The following GPM6A variants were observed in gnomAD, a reference collection of about 807,000 sequenced individuals.
GPM6A encodes neuronal membrane glycoprotein M6-a.
A neutral mutation model predicts 32.1 loss-of-function variants in GPM6A; 7 were observed. That is an observed-to-expected ratio of 0.22 (90% CI 0.12 to 0.41). The LOEUF (loss-of-function observed/expected upper bound fraction) is 0.41. Ranked by LOEUF, GPM6A falls within the 10% of genes least tolerant of loss-of-function variation. The pLI is 1.00. For synonymous variants in GPM6A, 130 were observed against 123.4 expected, an observed-to-expected ratio of 1.05 and a Z score of -0.35; for missense variants, 235 against 347.2, an observed-to-expected ratio of 0.68 and a Z score of 2.57.
At chr4:175,914,758 G>A (rs1479528940) in intron 1 of GPM6A, among the ~76,000 whole-genome samples, 1 of 152,158 alleles carries the variant, frequency 6.6e-6, no homozygotes, top group African/African-American at 2.4e-5. Context: ...CACTTGGGGA[G>A]ATCCGTAGCC....
In GPM6A at chr4:175,697,812, T is replaced by C. The variant is rs367926475; in HGVS notation, c.230+3763A>G. Among the ~76,000 whole-genome samples, 26 of 152,280 alleles carry C rather than the reference T, an allele frequency of 1.7e-4. No individual in the cohort carries two copies. In the East Asian group the frequency reaches 3.9e-3, roughly 23 times the overall value. On this transcript the variant is annotated intron_variant, in intron 2 of 6. Transcript: ENST00000393658. ...AAACAGTATAATGGGTGATATCAGC[T>C]AAGAGTTTAGGAGCTCAACTTCAGG...
At chr4:175,684,988 C>T (rs1055935682) in intron 2 of GPM6A, among the ~76,000 whole-genome samples, 12 of 151,890 alleles carry the variant, frequency 7.9e-5, no homozygotes, top group Admixed American at 2.0e-4. Context: ...TCCAGGTTCA[C>T]GCCATTCTCC....
intron 4 of GPM6A, among the ~76,000 whole-genome samples, chr4:175,645,545 ACC>A (rs1482603865): frequency 2.6e-5 from 4 of 151,188 alleles, no homozygotes; most frequent in African/African-American, 9.8e-5. Flanking sequence ...ACATGGTAAA[ACC>A]CCGTCTCTAC....
chr4:175,758,515 C>A (rs187848289), intron 1 of GPM6A, among the ~76,000 whole-genome samples: 1 of 152,214 alleles, frequency 6.6e-6, no homozygotes, highest in East Asian at 1.9e-4. Flanking sequence ...TAATGCACTG[C>A]CTAAATGTGG....
chr4:175,669,118 G>A (rs936107061), intron 3 of GPM6A, among the ~76,000 whole-genome samples: 3 of 152,174 alleles, frequency 2.0e-5, no homozygotes, highest in Non-Finnish European at 2.9e-5. Flanking sequence ...AGCATAGTAG[G>A]TATAGTATGG....
intron 1 of GPM6A, among the ~76,000 whole-genome samples, chr4:175,963,553 T>G (rs1038276746): frequency 2.6e-5 from 4 of 152,032 alleles, no homozygotes; most frequent in Admixed American, 6.6e-5. Context: ...AAAAAATTGT[T>G]TTTCAAAAGT....
intron 1 of GPM6A, among the ~76,000 whole-genome samples, chr4:175,746,271 C>G (rs926347455): frequency 2.0e-5 from 3 of 151,900 alleles, no homozygotes; most frequent in Admixed American, 6.6e-5. Context: ...ATGATCTAAA[C>G]AGGGGCATTG....
intron 1 of GPM6A, among the ~76,000 whole-genome samples, chr4:175,768,872 G>T (rs1339246497): frequency 6.6e-6 from 1 of 152,150 alleles, no homozygotes; most frequent in African/African-American, 2.4e-5. Flanking sequence ...GAGGTGGGTG[G>T]ATCACTTGAG....
At chr4:175,879,819 C>T (rs74588496) in intron 1 of GPM6A, among the ~76,000 whole-genome samples, 5,352 of 152,018 alleles carry the variant, frequency 0.035, 289 homozygotes, top group African/African-American at 0.11. Context: ...GAATGTTATG[C>T]TATTATTGAA....
intron 1 of GPM6A, among the ~76,000 whole-genome samples, chr4:175,730,936 C>T (rs983850022): frequency 3.3e-5 from 5 of 152,126 alleles, no homozygotes; most frequent in Admixed American, 6.5e-5. Flanking sequence ...GGTCTCTTGG[C>T]ATCTCTTCCT....
At chr4:175,865,711 T>G (rs542476296) in intron 1 of GPM6A, among the ~76,000 whole-genome samples, 1 of 143,942 alleles carries the variant, frequency 6.9e-6, no homozygotes, top group Non-Finnish European at 1.6e-5. Flanking sequence ...TTTTTGAGAC[T>G]TTTTTTCTTA....
chr4:175,666,830 C>T (rs1021473816), intron 3 of GPM6A, among the ~76,000 whole-genome samples: 2 of 152,132 alleles, frequency 1.3e-5, no homozygotes, highest in Admixed American at 1.3e-4. Context: ...TGGGAGCCAT[C>T]AAGTCTAAAA....
chr4:175,730,064 C>T (rs139431880), intron 1 of GPM6A, among the ~76,000 whole-genome samples: 99 of 151,492 alleles, frequency 6.5e-4, no homozygotes, highest in African/African-American at 2.4e-3. Context: ...CATTGGCTTC[C>T]AACTATTATT....
At chr4:175,946,128 T>TA (rs921195509) in intron 1 of GPM6A, among the ~76,000 whole-genome samples, 57 of 152,076 alleles carry the variant, frequency 3.7e-4, no homozygotes, top group Non-Finnish European at 8.1e-4. Flanking sequence ...CCTAAATCTA[T>TA]AAAAAATCTA....
chr4:176,000,109 T>C (rs1265808688), intron 1 of GPM6A, among the ~76,000 whole-genome samples: 2 of 152,180 alleles, frequency 1.3e-5, no homozygotes, highest in Admixed American at 1.3e-4. Flanking sequence ...ACAGGCCTGC[T>C]CTTTTCTCTA....
In GPM6A at chr4:175,773,061, C is replaced by T. The variant is rs573656826; in HGVS notation, c.37+39130G>A. Among the ~76,000 whole-genome samples the T allele has an allele frequency of 4.6e-5, 7 of 152,284 alleles. No homozygotes were observed. In the South Asian group the frequency reaches 1.5e-3, roughly 32 times the overall value. On this transcript the variant is annotated intron_variant, in intron 1 of 6. Transcript: ENST00000393658. Reference sequence around the variant, plus strand: ...TTTGTGTAATCTTCATTTTGAAAAACCTCATCCAATGATGTTTTGGTGGTG... The same window carrying T: ...TTTGTGTAATCTTCATTTTGAAAAATCTCATCCAATGATGTTTTGGTGGTG...
intron 4 of GPM6A, among the ~76,000 whole-genome samples, chr4:175,645,252 G>A (rs1741389859): frequency 2.0e-5 from 3 of 152,126 alleles, no homozygotes; most frequent in Non-Finnish European, 4.4e-5. Flanking sequence ...CTAAACACAA[G>A]TAATATATTT....
chr4:175,823,933 G>A (rs1205093358), intron 1 of GPM6A, among the ~76,000 whole-genome samples: 1 of 152,128 alleles, frequency 6.6e-6, no homozygotes. Flanking sequence ...CAAGGTGAAA[G>A]GCCCTTCCTT....
chr4:175,935,050 A>C (rs1214974177), intron 1 of GPM6A, among the ~76,000 whole-genome samples: 5 of 152,236 alleles, frequency 3.3e-5, no homozygotes, highest in African/African-American at 1.2e-4. Context: ...AGTCTTATTT[A>C]ATTCCCTATG....
Sources: allele counts gnomAD v4.1 joint callset (sites outside exome capture counted in the v4.1 genomes callset), GRCh38; gene constraint gnomAD v4.1.1; transcripts MANE v1.5; gene names NCBI Gene and HGNC (gene_info 2026-07-23, HGNC 2026-07-21).